TTC7A: variants seen among roughly 807,000 people sequenced by gnomAD.
The protein encoded by TTC7A is tetratricopeptide repeat domain 7A, also known as tetratricopeptide repeat protein 7A.
Under a neutral mutation model 103.7 loss-of-function variants are expected in TTC7A, and 110 were observed. The observed-to-expected ratio is 1.06, with a 90% CI of 0.91 to 1.24. The LOEUF (loss-of-function observed/expected upper bound fraction) is 1.24, where lower values mean the gene tolerates loss of function less well. TTC7A is among the 50% of genes most tolerant of loss of function. TTC7A has a pLI of 0.00. For synonymous variants in TTC7A, 521 were observed against 467.9 expected, an observed-to-expected ratio of 1.11 and a Z score of -1.47; for missense variants, 1,340 against 1,116.3, an observed-to-expected ratio of 1.20 and a Z score of -2.86.
intron 2 of TTC7A, among the ~76,000 whole-genome samples, chr2:46,921,391 T>C (rs1669094897): frequency 6.6e-6 from 1 of 152,188 alleles, no homozygotes; most frequent in African/African-American, 2.4e-5. Context: ...ATGCTTAAAA[T>C]ACCATTATAA....
intron 2 of TTC7A, among the ~76,000 whole-genome samples, chr2:46,922,065 G>C (rs1213371478): frequency 2.6e-5 from 4 of 152,216 alleles, no homozygotes; most frequent in Non-Finnish European, 2.9e-5. Flanking sequence ...TATTTGAGTG[G>C]AGGAAAGCTG....
chr2:47,073,792 T>TG lies in TTC7A; in HGVS notation c.2448dup (p.Gln817AlafsTer18), dbSNP rs1179830849. On this transcript the variant is annotated frameshift_variant, in exon 20 of 20. Coordinates refer to ENST00000319190, the MANE Select transcript of TTC7A (RefSeq NM_020458.4). LOFTEE classifies it high-confidence loss of function. Reference sequence around the variant, plus strand: ...GAGGCAGAGTACGTGCCACGAGGCGTGGCAGGGCCTGGGCGAGGTGCTGCA... The same window carrying TG: ...GAGGCAGAGTACGTGCCACGAGGCGTGGGCAGGGCCTGGGCGAGGTGCTGCA... 2 of 1,613,640 alleles carry TG rather than the reference T, an allele frequency of 1.2e-6. No homozygotes were observed. The highest frequency in any genetic ancestry group is 1.7e-6 in the Non-Finnish European group (2 of 1,179,986).
chr2:47,022,081 G>A, intron 12 of TTC7A, 102 bp downstream of exon 12: 2 of 780,590 alleles, frequency 2.6e-6, no homozygotes, highest in Non-Finnish European at 4.2e-6. Context: ...CTCAGGCCAT[G>A]CCTCCATAGA....
intron 1 of TTC7A, among the ~76,000 whole-genome samples, chr2:46,942,617 C>T (rs1010321073): frequency 4.6e-5 from 7 of 152,198 alleles, no homozygotes; most frequent in African/African-American, 1.7e-4. Context: ...TTAATCAACC[C>T]CGTGAAGCAG....
chr2:46,952,489 C>T (rs1187313051), intron 2 of TTC7A, among the ~76,000 whole-genome samples: 3 of 152,192 alleles, frequency 2.0e-5, no homozygotes, highest in Non-Finnish European at 2.9e-5. Flanking sequence ...CTATGGCTCA[C>T]GCCTGTAGTC....
Position 47,074,233 on chromosome 2 carries a change from T to G in TTC7A, c.*310T>G. 3 of 417,694 alleles carry G rather than the reference T, an allele frequency of 7.2e-6. No homozygotes were observed. The highest frequency in any genetic ancestry group is 4.4e-6 in the Non-Finnish European group (1 of 226,628). 25.9% of individuals were successfully genotyped at this position (417,694 alleles called of 1,614,324 possible). ...CACAGCTGTCCTTCACCCTCACCCA[T>G]GCCTCTGGCTTGGAGTCTGGGTGGG... On this transcript the variant is annotated 3_prime_UTR_variant, in exon 20 of 20. Transcript: ENST00000319190.
intron 2 of TTC7A, among the ~76,000 whole-genome samples, chr2:46,932,900 C>CAAAA (rs34183870): frequency 0.063 from 4,331 of 69,286 alleles, 97 homozygotes; most frequent in Non-Finnish European, 0.09. Context: ...GACTCCATCT[C>CAAAA]AAAAAAAAAA....
chr2:46,946,266 GTCT>G (rs142826523), intron 1 of TTC7A, among the ~76,000 whole-genome samples: 1,597 of 152,260 alleles, frequency 0.01, 32 homozygotes, highest in African/African-American at 0.036. Context: ...TGATGGCAAG[GTCT>G]TCTTAAATGC....
chr2:47,053,080 T>A (rs570688510), intron 18 of TTC7A, among the ~76,000 whole-genome samples: 11 of 152,046 alleles, frequency 7.2e-5, no homozygotes, highest in African/African-American at 2.7e-4. Flanking sequence ...GCAAAAAACA[T>A]TGGATAGGAT....
chr2:47,005,253 T>C (rs1017913932), intron 8 of TTC7A, among the ~76,000 whole-genome samples: 1 of 151,928 alleles, frequency 6.6e-6, no homozygotes. Flanking sequence ...TCTGGGAATG[T>C]CGTTGTCAAA....
rs944113409 is a variant in TTC7A at position 46,984,643 on chromosome 2, G to A, written c.764+5736G>A. On this transcript the variant is annotated intron_variant, in intron 5 of 19. Coordinates refer to ENST00000319190, the MANE Select transcript of TTC7A (RefSeq NM_020458.4). ...ATGTGAACATCAAGGACAGCCAGGA[G>A]GGAAAGAGGGAGAGAGACCAGTGGC... Among the ~76,000 whole-genome samples, 8 of 152,214 alleles carry A rather than the reference G, an allele frequency of 5.3e-5. No homozygotes were observed. In the East Asian group the frequency reaches 1.2e-3, roughly 22 times the overall value.
chr2:46,955,003 A>T (rs1671723988), intron 2 of TTC7A, among the ~76,000 whole-genome samples: 1 of 152,126 alleles, frequency 6.6e-6, no homozygotes, highest in South Asian at 2.1e-4. Context: ...GCCACACCCC[A>T]TCAGCATGCC....
chr2:46,950,273 G>C, intron 1 of TTC7A, 90 bp from the exon 2 acceptor site: 1 of 1,360,448 alleles, frequency 7.4e-7, no homozygotes, highest in South Asian at 1.3e-5. Context: ...TACTGGGTAT[G>C]GGTGGTTGGG....
chr2:47,059,951 G>A (rs1403248558), intron 18 of TTC7A, among the ~76,000 whole-genome samples: 1 of 152,116 alleles, frequency 6.6e-6, no homozygotes, highest in Non-Finnish European at 1.5e-5. Flanking sequence ...GAGCCCAGGA[G>A]TTCAAGACCA....
intron 19 of TTC7A, among the ~76,000 whole-genome samples, chr2:47,072,918 T>C (rs549419131): frequency 8.6e-5 from 13 of 151,508 alleles, no homozygotes; most frequent in African/African-American, 1.4e-4. Flanking sequence ...TCCCAGCCTC[T>C]TCTTATGACT....
At chr2:47,013,096 C>T (rs1678254554) in intron 11 of TTC7A, among the ~76,000 whole-genome samples, 1 of 152,110 alleles carries the variant, frequency 6.6e-6, no homozygotes, top group Admixed American at 6.5e-5. Flanking sequence ...AGTAAGTCTC[C>T]TCGGGTGGGA....
rs950915081 is a variant in TTC7A, at chr2:46,941,754, G to C, written c.184+29G>C. 13 of 1,546,796 alleles carry C rather than the reference G, an allele frequency of 8.4e-6. No homozygotes were observed. Among genetic ancestry groups the C allele is most frequent in the Admixed American group, 2.0e-5 (1 of 50,890 alleles). ...AGTAAGGGAAGAGGCTGGCTCGCCG[G>C]CAGCGAGCGCGCGAAACGCACCGCC... On this transcript the variant is annotated intron_variant, in intron 1 of 19. Coordinates refer to ENST00000319190, the MANE Select transcript of TTC7A (RefSeq NM_020458.4). The surrounding 1 kb of genome is among the most constrained non-coding windows in gnomAD (Gnocchi z 4.2).
chr2:47,061,663 G>C (rs1430716501), intron 19 of TTC7A, among the ~76,000 whole-genome samples: 1 of 152,200 alleles, frequency 6.6e-6, no homozygotes, highest in Non-Finnish European at 1.5e-5. Context: ...GGGTAAATCA[G>C]CCACCTTCTC....
At chr2:46,957,849 C>T (rs538391002) in intron 3 of TTC7A, among the ~76,000 whole-genome samples, 154 of 152,296 alleles carry the variant, frequency 1.0e-3, no homozygotes, top group African/African-American at 3.4e-3. Context: ...AACCAACCTC[C>T]AGAGAAAAGT....
Sources: gnomAD v4.1 joint callset for allele counts (sites outside exome capture counted in the v4.1 genomes callset) on GRCh38, gnomAD v4.1.1 for gene constraint, Gnocchi (gnomAD v3.1) non-coding constraint, MANE v1.5 for transcripts, NCBI Gene and HGNC (gene_info 2026-07-23, HGNC 2026-07-21) for gene names.